Variants in CD8B2 observed in about 807,000 individuals in gnomAD.
The protein encoded by CD8B2 is CD8B family member 2.
In CD8B2, 11 loss-of-function variants were observed where a neutral mutation model predicts 23.7. The ratio of observed to expected loss-of-function variants is 0.46; its 90% CI spans 0.29 to 0.77. The LOEUF (loss-of-function observed/expected upper bound fraction) is 0.77, where lower values mean the gene tolerates loss of function less well. Among genes scored for constraint, CD8B2 ranks in the 30% least tolerant of loss-of-function variants. The pLI is 0.09. For synonymous variants in CD8B2, 90 were observed against 109.3 expected (o/e 0.82, Z 1.10); for missense variants, 197 against 270.5 (o/e 0.73, Z 1.91).
At position 106,491,116 on chromosome 2, in the gene CD8B2, G is replaced by A; in HGVS notation, c.286G>A (p.Ala96Thr). The A allele has an allele frequency of 6.2e-7, 1 of 1,613,836 alleles. No individual in the cohort carries two copies. The highest frequency in any genetic ancestry group is 8.5e-7 in the Non-Finnish European group (1 of 1,179,738). The change falls in exon 2 of 6, where the codon GCA becomes ACA. Residue 96 changes from alanine to threonine, a missense_variant. By Grantham distance (58) the Ala-to-Thr change is moderately conservative. This residue lies in a region of CD8B2 where 140 missense variants were observed against 164.2 expected (regional missense o/e 0.85). Coordinates refer to ENST00000643224, the MANE Select transcript of CD8B2 (RefSeq NM_001349727.2). ...EQEKIAVFRDASRFILNLTSV... is the reference protein window; with the variant it reads ...EQEKIAVFRDTSRFILNLTSV... Reference sequence around the variant, plus strand: ...GGAGAAGATAGCTGTGTTTCGGGATGCAAGCCGGTTCATTCTCAATCTCAC... The same window carrying A: ...GGAGAAGATAGCTGTGTTTCGGGATACAAGCCGGTTCATTCTCAATCTCAC...
intron 2 of CD8B2, among the ~76,000 whole-genome samples, 162 bp downstream of exon 2, chr2:106,491,395 A>G (rs1322638427): frequency 6.6e-6 from 1 of 152,210 alleles, no homozygotes; most frequent in Non-Finnish European, 1.5e-5. Context: ...ACCCAGGCCA[A>G]GCCCCTCCAA....
At chr2:106,539,158 T>G (rs1680135376) in intron 5 of CD8B2, among the ~76,000 whole-genome samples, 1 of 152,186 alleles carries the variant, frequency 6.6e-6, no homozygotes, top group Admixed American at 6.5e-5. Flanking sequence ...GTGAGGCACA[T>G]GAAGCACTTA....
chr2:106,543,167 C>A (rs1177351105), intron 5 of CD8B2: 2 of 152,186 alleles, frequency 1.3e-5, no homozygotes, highest in Non-Finnish European at 2.9e-5. Context: ...TGTATCCCGA[C>A]CGCCGGGAAC....
At chr2:106,514,752 T>TG (rs10654321), downstream of CD8B2, among the ~76,000 whole-genome samples, 1 of 145,402 alleles carries the variant, frequency 6.9e-6, no homozygotes. Context: ...GTTAAGACTT[T>TG]TGTGTGTGTG....
chr2:106,490,709 C>T (rs1243605155), intron 1 of CD8B2, among the ~76,000 whole-genome samples, 165 bp from the exon 2 acceptor site: 2 of 152,268 alleles, frequency 1.3e-5, no homozygotes, highest in African/African-American at 2.4e-5. Flanking sequence ...GGTATGTGAA[C>T]TCTGAGTCCA....
At chr2:106,521,447 TAGAAA>T (rs1449950088) in intron 5 of CD8B2, 29 of 152,232 alleles carry the variant, frequency 1.9e-4, no homozygotes, top group Admixed American at 1.9e-3. Flanking sequence ...TGCTCTTTGT[TAGAAA>T]AGAAAATGAT....
At chr2:106,539,181 G>A (rs1360840410) in intron 5 of CD8B2, among the ~76,000 whole-genome samples, 2 of 152,136 alleles carry the variant, frequency 1.3e-5, no homozygotes, top group Non-Finnish European at 2.9e-5. Context: ...AGAGTGCCTG[G>A]TGCCCCCACA....
chr2:106,534,773 A>G (rs760422579), intron 5 of CD8B2, among the ~76,000 whole-genome samples: 28 of 152,180 alleles, frequency 1.8e-4, no homozygotes, highest in Middle Eastern at 3.2e-3. Flanking sequence ...AGTTCAAAAC[A>G]CTGGAAGAGA....
At chr2:106,495,284 C>T (rs917025082) in intron 2 of CD8B2, among the ~76,000 whole-genome samples, 1 of 152,116 alleles carries the variant, frequency 6.6e-6, no homozygotes, top group African/African-American at 2.4e-5. Context: ...GTAATACTAG[C>T]ACTTTTGGAG....
At chr2:106,525,865 C>T (rs540018411) in intron 5 of CD8B2, among the ~76,000 whole-genome samples, 8 of 152,248 alleles carry the variant, frequency 5.3e-5, no homozygotes, top group South Asian at 2.1e-4. Flanking sequence ...TATAAGAGTC[C>T]GCAGTGAAGT....
At chr2:106,516,646 A>G (rs1217394437) in intron 5 of CD8B2, among the ~76,000 whole-genome samples, 2 of 152,098 alleles carry the variant, frequency 1.3e-5, no homozygotes, top group Non-Finnish European at 2.9e-5. Context: ...GCCTGTTAGC[A>G]CTTACTTGTG....
chr2:106,516,888 A>T (rs1200327296), intron 5 of CD8B2, among the ~76,000 whole-genome samples: 1 of 149,158 alleles, frequency 6.7e-6, no homozygotes, highest in Admixed American at 6.7e-5. Context: ...ATTAATATGC[A>T]TTATTCATAT....
intron 5 of CD8B2, among the ~76,000 whole-genome samples, chr2:106,516,934 T>TA (rs1423120824): frequency 6.8e-6 from 1 of 147,968 alleles, no homozygotes; most frequent in Non-Finnish European, 1.5e-5. Context: ...TATATTGATA[T>TA]ATTATATATA....
At chr2:106,502,171 C>T (rs1218502745) in intron 3 of CD8B2, among the ~76,000 whole-genome samples, 1 of 151,786 alleles carries the variant, frequency 6.6e-6, no homozygotes, top group Non-Finnish European at 1.5e-5. Flanking sequence ...TGGCACATGC[C>T]TGTAATCCCA....
intron 3 of CD8B2, among the ~76,000 whole-genome samples, chr2:106,497,783 T>G (rs1339578411): frequency 6.6e-6 from 1 of 152,172 alleles, no homozygotes; most frequent in African/African-American, 2.4e-5. Context: ...CAAAGTCCCA[T>G]GCCCTGACCC....
intron 5 of CD8B2, among the ~76,000 whole-genome samples, chr2:106,531,503 T>C (rs1380918784): frequency 6.6e-6 from 1 of 152,200 alleles, no homozygotes; most frequent in Non-Finnish European, 1.5e-5. Flanking sequence ...CTACTATTTC[T>C]TGCTCTAAGG....
intron 2 of CD8B2, among the ~76,000 whole-genome samples, chr2:106,494,709 G>A (rs1262758025): frequency 2.0e-5 from 3 of 152,080 alleles, no homozygotes; most frequent in Admixed American, 6.6e-5. Flanking sequence ...TTCAGCAGGG[G>A]TCACTGGGTA....
intron 5 of CD8B2, among the ~76,000 whole-genome samples, chr2:106,529,045 A>C (rs1437667390): frequency 6.6e-6 from 1 of 152,172 alleles, no homozygotes; most frequent in Admixed American, 6.5e-5. Flanking sequence ...TGAGCTCTGC[A>C]GCTTCTTGAG....
chr2:106,510,293 TA>T lies in CD8B2; in HGVS notation c.*3354del, dbSNP rs1679600652. On this transcript the variant is annotated 3_prime_UTR_variant, in exon 6 of 6. Transcript: ENST00000643224. ...AATCACTTATATGAGTGTGTTTCAT[TA>T]GTAAAAGTCATCAAGCTGTACACTC... The T allele has an allele frequency of 6.6e-6, 1 of 152,170 alleles. No homozygotes were observed. Among genetic ancestry groups the T allele is most frequent in the East Asian group, 1.9e-4 (1 of 5,190 alleles). The allele number at this position is 152,170 out of a possible 1,614,324, so 9.4% of individuals were successfully genotyped here. A position where few individuals can be genotyped will look rare whatever the true frequency, so the allele number is the denominator to read the frequency against.
Sources: allele counts gnomAD v4.1 joint callset (sites outside exome capture counted in the v4.1 genomes callset), GRCh38; gene constraint gnomAD v4.1.1; regional missense constraint gnomAD v4.1.1; transcripts MANE v1.5; gene names NCBI Gene and HGNC (gene_info 2026-07-23, HGNC 2026-07-21).